HKDC1: variants seen among roughly 807,000 people sequenced by gnomAD.
The protein encoded by HKDC1 is hexokinase domain containing 1, also known as hexokinase HKDC1.
HKDC1 carries 66 observed loss-of-function variants against 96.6 expected under a neutral mutation model. The observed-to-expected ratio is 0.68, with a 90% confidence interval of 0.56 to 0.84. The LOEUF (loss-of-function observed/expected upper bound fraction) is 0.84, where lower values mean the gene tolerates loss of function less well. Ranked by LOEUF, HKDC1 falls within the 40% of genes least tolerant of loss-of-function variation. The pLI, the probability that HKDC1 is intolerant of heterozygous loss-of-function variation, is 0.00. For synonymous variants in HKDC1, 466 were observed against 473.1 expected, an observed-to-expected ratio of 0.98 and a Z score of 0.20; for missense variants, 1,211 against 1,208.1, an observed-to-expected ratio of 1.00 and a Z score of -0.04.
At chr10:69,241,112 T>G (rs1276578073) in intron 6 of HKDC1, among the ~76,000 whole-genome samples, 5 of 151,606 alleles carry the variant, frequency 3.3e-5, no homozygotes, top group African/African-American at 1.2e-4. Flanking sequence ...TGACTGTGAG[T>G]GGGATGAGGC....
rs1037774883 is a variant in HKDC1, at chr10:69,266,895, G to A, written c.*138G>A. The A allele has an allele frequency of 3.3e-5, 25 of 768,272 alleles. No individual in the cohort carries two copies. Among genetic ancestry groups the A allele is most frequent in the Non-Finnish European group, 4.0e-5 (19 of 478,020 alleles). 47.6% of individuals were successfully genotyped at this position (768,272 alleles called of 1,614,324 possible). A position where few individuals can be genotyped will look rare whatever the true frequency, so the allele number is the denominator to read the frequency against. Reference sequence around the variant, plus strand: ...GGCCGAAAGAGAACCCCAGGTTCTCGGGTACTCTTAGTATCTTGTACTGGA... The same window carrying A: ...GGCCGAAAGAGAACCCCAGGTTCTCAGGTACTCTTAGTATCTTGTACTGGA... On this transcript the variant is annotated 3_prime_UTR_variant, in exon 18 of 18. Transcript: ENST00000354624.
chr10:69,247,788 T>G (rs1184211924), intron 9 of HKDC1, among the ~76,000 whole-genome samples, 195 bp downstream of exon 9: 1 of 152,224 alleles, frequency 6.6e-6, no homozygotes, highest in East Asian at 1.9e-4. Flanking sequence ...GGATTACTCT[T>G]AAAGAAATAT....
chr10:69,244,521 TA>T (rs1843507797), intron 7 of HKDC1, among the ~76,000 whole-genome samples: 1 of 152,198 alleles, frequency 6.6e-6, no homozygotes, highest in African/African-American at 2.4e-5. Flanking sequence ...TTACTTAAAA[TA>T]AATTCTATTC....
chr10:69,247,603 G>A lies in HKDC1; in HGVS notation c.1265+10G>A. 6.2e-7 allele frequency: 1 copy of A among 1,607,338 alleles called. No homozygotes were observed. Among genetic ancestry groups the A allele is most frequent in the South Asian group, 1.1e-5 (1 of 90,848 alleles). ...ACAAGATACACCCTCAGTGAGTGCT[G>A]CCTGCCATCCACGCCCCCACAAATG... On this transcript the variant is annotated intron_variant, in intron 9 of 17. Transcript: ENST00000354624.
intron 1 of HKDC1, among the ~76,000 whole-genome samples, chr10:69,224,530 G>A (rs908540837): frequency 2.0e-5 from 3 of 152,114 alleles, no homozygotes; most frequent in South Asian, 4.1e-4. Flanking sequence ...TGATCCACCC[G>A]CCTCGGCCTC....
chr10:69,239,599 G>A (rs142457955), intron 5 of HKDC1, among the ~76,000 whole-genome samples: 4 of 152,234 alleles, frequency 2.6e-5, no homozygotes, highest in African/African-American at 4.8e-5. Context: ...AAACTACTGC[G>A]AAAGCAAGAC....
At chr10:69,236,788 A>G (rs565032696) in intron 4 of HKDC1, among the ~76,000 whole-genome samples, 277 of 152,262 alleles carry the variant, frequency 1.8e-3, no homozygotes, top group Non-Finnish European at 3.2e-3. Flanking sequence ...TTCAAAAAAA[A>G]AAAAAAATTG....
intron 15 of HKDC1, 32 bp downstream of exon 15, chr10:69,258,991 G>C: frequency 6.7e-7 from 1 of 1,485,772 alleles, no homozygotes; most frequent in Non-Finnish European, 8.9e-7. Flanking sequence ...ATTTATGTGG[G>C]TTGTGTAGTG....
intron 16 of HKDC1, among the ~76,000 whole-genome samples, chr10:69,264,743 G>A (rs1843864967): frequency 6.6e-6 from 1 of 152,164 alleles, no homozygotes; most frequent in African/African-American, 2.4e-5. Context: ...CCCCTGTATG[G>A]TCATATAGGT....
At position 69,222,266 on chromosome 10, in the gene HKDC1, G is replaced by T. The variant is rs111847274; in HGVS notation, c.63+1768G>T. The stretch of plus-strand genomic sequence containing the variant: ...GAGAGAGGAAGTGTGGCCCCTTACA[G>T]CCCTCAGGTACTTGGTGGGATAAAC... On this transcript the variant is annotated intron_variant, in intron 1 of 17. Transcript: ENST00000354624. 3.3e-5 allele frequency among the ~76,000 whole-genome samples: 5 copies of T among 152,306 alleles called. 1 individual carries two copies. Among genetic ancestry groups the T allele is most frequent in the African/African-American group, 1.2e-4 (5 of 41,566 alleles).
At chr10:69,243,491 T>G in intron 7 of HKDC1, 126 bp downstream of exon 7, 1 of 826,010 alleles carries the variant, frequency 1.2e-6, no homozygotes, top group Non-Finnish European at 1.7e-6. Context: ...TTTCTTTTTT[T>G]CTTTTTCCTT....
intron 7 of HKDC1, 41 bp downstream of exon 7, chr10:69,243,406 C>A: frequency 6.7e-7 from 1 of 1,503,068 alleles, no homozygotes; most frequent in Non-Finnish European, 8.9e-7. Context: ...CGGCACCAGG[C>A]AGTGCCTAAT....
chr10:69,261,941 G>T, intron 16 of HKDC1: 1 of 229,864 alleles, frequency 4.4e-6, no homozygotes, highest in Non-Finnish European at 9.0e-6. Context: ...CTGTCTTCTT[G>T]TATTTCCCAA....
chr10:69,220,555 G>A, intron 1 of HKDC1, 57 bp downstream of exon 1: 1 of 1,286,356 alleles, frequency 7.8e-7, no homozygotes, highest in Non-Finnish European at 1.1e-6. Flanking sequence ...GGACAAAACT[G>A]ATTCCCTTAA....
chr10:69,225,090 T>G (rs1208124990), intron 1 of HKDC1, among the ~76,000 whole-genome samples: 1 of 152,222 alleles, frequency 6.6e-6, no homozygotes, highest in Non-Finnish European at 1.5e-5. Flanking sequence ...CTCAACTTAT[T>G]GAAAGAGCAG....
chr10:69,247,051 C>G (rs1843552273), intron 8 of HKDC1, among the ~76,000 whole-genome samples: 1 of 152,206 alleles, frequency 6.6e-6, no homozygotes, highest in South Asian at 2.1e-4. Context: ...TAGCCAAGGA[C>G]AAGTTACTCA....
intron 9 of HKDC1, 29 bp from the exon 10 acceptor site, chr10:69,248,395 T>G (rs1489130388): frequency 6.5e-7 from 1 of 1,530,258 alleles, no homozygotes; most frequent in African/African-American, 1.4e-5. Context: ...TTATGATTGC[T>G]AAATATTTTG....
At chr10:69,235,188 G>GAGGGGGGCAGATCACCTGACATC (rs1843340995) in intron 4 of HKDC1, among the ~76,000 whole-genome samples, 1 of 152,166 alleles carries the variant, frequency 6.6e-6, no homozygotes, top group Non-Finnish European at 1.5e-5. Flanking sequence ...TTGGGAGGCC[G>GAGGGGGGCAGATCACCTGACATC]AGGGGGGCAG....
At chr10:69,239,239 G>A (rs1020728850) in intron 5 of HKDC1, 102 bp downstream of exon 5, 1 of 728,504 alleles carries the variant, frequency 1.4e-6, no homozygotes, top group Non-Finnish European at 2.3e-6. Flanking sequence ...TATGGTGCCT[G>A]CATGGAGGGA....
Sources: allele counts gnomAD v4.1 joint callset (sites outside exome capture counted in the v4.1 genomes callset), GRCh38; gene constraint gnomAD v4.1.1; transcripts MANE v1.5; gene names NCBI Gene and HGNC (gene_info 2026-07-23, HGNC 2026-07-21).